The following RAB6A variants were observed in gnomAD, a reference collection of about 807,000 sequenced individuals.
RAB6A encodes RAB6A, member RAS oncogene family, also known as ras-related protein Rab-6A.
In RAB6A, 8 loss-of-function variants were observed where a neutral mutation model predicts 32.3. That is an observed-to-expected ratio of 0.25 (90% CI 0.15 to 0.45). The LOEUF (loss-of-function observed/expected upper bound fraction) is 0.45. RAB6A is among the 20% of genes least tolerant of loss of function. RAB6A has a pLI of 1.00. For synonymous variants in RAB6A, 73 were observed against 82.1 expected, an observed-to-expected ratio of 0.89 and a Z score of 0.60; for missense variants, 104 against 249.4, an observed-to-expected ratio of 0.42 and a Z score of 3.93.
intron 1 of RAB6A, among the ~76,000 whole-genome samples, chr11:73,754,602 G>A (rs1946717827): frequency 6.6e-6 from 1 of 152,176 alleles, no homozygotes; most frequent in South Asian, 2.1e-4. Context: ...TTGGAAAATA[G>A]TTCTTTTTCA....
chr11:73,712,633 G>A (rs1407349247), intron 5 of RAB6A, among the ~76,000 whole-genome samples: 1 of 151,496 alleles, frequency 6.6e-6, no homozygotes, highest in Non-Finnish European at 1.5e-5. Context: ...CTACAGGCAT[G>A]AGCCACCACG....
intron 1 of RAB6A, among the ~76,000 whole-genome samples, chr11:73,746,451 T>C (rs540469625): frequency 6.6e-6 from 1 of 151,928 alleles, no homozygotes; most frequent in Non-Finnish European, 1.5e-5. Flanking sequence ...TCAAAGTCAG[T>C]GTGCTATGAT....
chr11:73,677,953 A>G lies in RAB6A; in HGVS notation c.572T>C (p.Ile191Thr). 1 of 1,614,204 alleles carries G rather than the reference A, an allele frequency of 6.2e-7. No individual in the cohort carries two copies. Among genetic ancestry groups the G allele is most frequent in the Non-Finnish European group, 8.5e-7 (1 of 1,180,022 alleles). ...TTGCTCCTGAGGCTTTTCCAGTTTTATGTCAATCACTGAAACAAAAGTTAA... is the reference window on the plus strand; with the variant it reads ...TTGCTCCTGAGGCTTTTCCAGTTTTGTGTCAATCACTGAAACAAAAGTTAA... ...QDRSREDMIDIKLEKPQEQPV... is the reference protein window; with the variant it reads ...QDRSREDMIDTKLEKPQEQPV... The change falls in exon 8 of 8, where the codon ATA becomes ACA. Residue 191 changes from isoleucine to threonine, a missense_variant. Ile to Thr is a moderately conservative substitution (Grantham distance 89). Around this residue, in one of 4 missense-constraint regions of RAB6A, gnomAD observed 33 missense variants for 59.5 expected, o/e 0.55. Coordinates refer to ENST00000336083, the MANE Select transcript of RAB6A (RefSeq NM_198896.2).
At chr11:73,697,520 G>A (rs1945673372) in intron 6 of RAB6A, among the ~76,000 whole-genome samples, 2 of 151,798 alleles carry the variant, frequency 1.3e-5, no homozygotes, top group Admixed American at 1.3e-4. Context: ...GCTGATTTTC[G>A]TATTTTTAGT....
At chr11:73,723,292 AAAAG>A (rs1403298735) in intron 2 of RAB6A, among the ~76,000 whole-genome samples, 2 of 151,922 alleles carry the variant, frequency 1.3e-5, no homozygotes, top group African/African-American at 2.4e-5. Flanking sequence ...GGGGGGGAAA[AAAAG>A]AAAGATTTAT....
At chr11:73,708,727 G>A (rs1945891473) in intron 5 of RAB6A, among the ~76,000 whole-genome samples, 1 of 152,126 alleles carries the variant, frequency 6.6e-6, no homozygotes, top group African/African-American at 2.4e-5. Flanking sequence ...ACTATCAGCT[G>A]ACAAACCCTG....
chr11:73,723,386 G>A (rs539680656), intron 2 of RAB6A, among the ~76,000 whole-genome samples: 306 of 151,856 alleles, frequency 2.0e-3, no homozygotes, highest in African/African-American at 7.2e-3. Flanking sequence ...AGTGCAGTGG[G>A]GTGATCTTGG....
At chr11:73,735,937 A>AAAAAAAG (rs56012322) in intron 1 of RAB6A, among the ~76,000 whole-genome samples, 47 of 123,562 alleles carry the variant, frequency 3.8e-4, no homozygotes, top group Middle Eastern at 4.5e-3. Flanking sequence ...AAAAAAAAAA[A>AAAAAAAG]AGAGAGAGAG....
At chr11:73,701,226 T>G (rs1332697262) in intron 6 of RAB6A, among the ~76,000 whole-genome samples, 3 of 152,192 alleles carry the variant, frequency 2.0e-5, no homozygotes, top group Non-Finnish European at 2.9e-5. Flanking sequence ...AAGACTTCTG[T>G]GTATCTTCTG....
At chr11:73,705,005 T>TAATA (rs201551955) in intron 6 of RAB6A, among the ~76,000 whole-genome samples, 9 of 151,552 alleles carry the variant, frequency 5.9e-5, no homozygotes, top group African/African-American at 2.2e-4. Context: ...CGAAAATAAA[T>TAATA]AATAAATAAA....
At chr11:73,733,180 A>AT (rs1796187410) in intron 1 of RAB6A, among the ~76,000 whole-genome samples, 1 of 152,012 alleles carries the variant, frequency 6.6e-6, no homozygotes, top group African/African-American at 2.4e-5. Flanking sequence ...TGTTACATTG[A>AT]TTTTTTTGTT....
chr11:73,759,943 C>A, intron 1 of RAB6A: 1 of 1,059,162 alleles, frequency 9.4e-7, no homozygotes, highest in Admixed American at 2.5e-5. Context: ...CCCCAACCAC[C>A]CCATGCTCAA....
chr11:73,686,326 T>TG (rs1197793108), intron 6 of RAB6A, among the ~76,000 whole-genome samples: 1 of 151,762 alleles, frequency 6.6e-6, no homozygotes, highest in Admixed American at 6.6e-5. Flanking sequence ...GAGGCAAAGG[T>TG]GGGGGGATCA....
intron 1 of RAB6A, among the ~76,000 whole-genome samples, chr11:73,752,624 C>A (rs1158546692): frequency 6.6e-6 from 1 of 152,096 alleles, no homozygotes; most frequent in Non-Finnish European, 1.5e-5. Flanking sequence ...TCGAGATGAG[C>A]CTGGGCAACA....
intron 2 of RAB6A, chr11:73,722,339 A>T (rs1256384631): frequency 0.049 from 520 of 10,516 alleles, 19 homozygotes; most frequent in African/African-American, 0.079. Flanking sequence ...ATATATATAT[A>T]TATATTTTTT....
At chr11:73,724,879 T>C (rs187424989) in intron 2 of RAB6A, among the ~76,000 whole-genome samples, 4 of 152,272 alleles carry the variant, frequency 2.6e-5, no homozygotes, top group Admixed American at 2.0e-4. Flanking sequence ...AGAAGTTCCA[T>C]GAGAGTAAGG....
Position 73,691,864 on chromosome 11 carries a change from T to C in RAB6A, c.496-12144A>G, listed in dbSNP as rs188486401. 1.9e-3 allele frequency among the ~76,000 whole-genome samples: 295 copies of C among 151,984 alleles called. 1 individual carries two copies. Among genetic ancestry groups the C allele is most frequent in the African/African-American group, 6.5e-3 (270 of 41,460 alleles). ...GGCTTGCGCCTGTAGTCCCAGCTAC[T>C]AGGGAGGCTGAGGCAGGAGAAGCAC... On this transcript the variant is annotated intron_variant, in intron 6 of 7. Coordinates refer to ENST00000336083, the MANE Select transcript of RAB6A (RefSeq NM_198896.2).
chr11:73,703,357 T>A (rs758650185), intron 6 of RAB6A, among the ~76,000 whole-genome samples: 2 of 152,052 alleles, frequency 1.3e-5, no homozygotes, highest in African/African-American at 2.4e-5. Flanking sequence ...GCTCTAAGAA[T>A]CTGCTAAAAA....
intron 2 of RAB6A, chr11:73,722,339 A>ATTTTTTTTTTT (rs1946153350): frequency 9.4e-5 from 1 of 10,676 alleles, no homozygotes; most frequent in Non-Finnish European, 2.2e-4. Flanking sequence ...ATATATATAT[A>ATTTTTTTTTTT]TATATTTTTT....
Sources: allele counts gnomAD v4.1 joint callset (sites outside exome capture counted in the v4.1 genomes callset), GRCh38; gene constraint gnomAD v4.1.1; regional missense constraint gnomAD v4.1.1; transcripts MANE v1.5; gene names NCBI Gene and HGNC (gene_info 2026-07-23, HGNC 2026-07-21).